The following GSE1 variants were observed in gnomAD, a reference collection of about 807,000 sequenced individuals.
GSE1 encodes the protein Gse1 coiled-coil protein.
Under a neutral mutation model 112.6 loss-of-function variants are expected in GSE1, and 32 were observed. The ratio of observed to expected loss-of-function variants is 0.28; its 90% CI spans 0.21 to 0.38. The LOEUF is 0.38. Among genes scored for constraint, GSE1 ranks in the 10% least tolerant of loss-of-function variants. The pLI is 1.00. For missense variants in GSE1, 2,348 were observed against 1,699.2 expected, an observed-to-expected ratio of 1.38 and a Z score of -6.71; for synonymous variants, 1,115 against 735.6, an observed-to-expected ratio of 1.52 and a Z score of -8.35.
chr16:85,654,978 C>G lies in GSE1; in HGVS notation c.784C>G (p.His262Asp), dbSNP rs372427431. ...PSYLAPHPFP[H>D]PAFRMDDSYC... Reference sequence around the variant, plus strand: ...CTACCTGGCCCCACACCCCTTCCCCCACCCGGCCTTCAGGTGAGGCATCCC... The same window carrying G: ...CTACCTGGCCCCACACCCCTTCCCCGACCCGGCCTTCAGGTGAGGCATCCC... Residue 262 changes from histidine (H) to aspartate (D), a missense_variant, in exon 5 of 16, where the codon CAC (histidine) becomes GAC (aspartate). Coordinates refer to ENST00000253458, the MANE Select transcript of GSE1 (RefSeq NM_014615.5). The G allele has an allele frequency of 1.3e-6, 2 of 1,593,622 alleles. No homozygotes were observed. The highest frequency in any genetic ancestry group is 2.2e-5 in the East Asian group (1 of 44,594).
At chr16:85,294,135 C>G (rs561522097) in intron 1 of GSE1, among the ~76,000 whole-genome samples, 1 of 152,280 alleles carries the variant, frequency 6.6e-6, no homozygotes, top group Non-Finnish European at 1.5e-5. Flanking sequence ...GTGGCCTGTT[C>G]CAGCTGGCAT....
chr16:85,527,642 G>A (rs570320927), intron 2 of GSE1, among the ~76,000 whole-genome samples: 7 of 152,400 alleles, frequency 4.6e-5, no homozygotes, highest in South Asian at 2.1e-4. Flanking sequence ...AGCCTACCCC[G>A]GTGGGAAGCG....
chr16:85,464,348 G>C (rs539482421), intron 2 of GSE1, among the ~76,000 whole-genome samples: 2 of 152,160 alleles, frequency 1.3e-5, no homozygotes, highest in African/African-American at 2.4e-5. Context: ...GCCGGGGTGG[G>C]GGGCAGCCGC....
chr16:85,670,499 A>C (rs2053242611), intron 14 of GSE1: 1 of 152,174 alleles, frequency 6.6e-6, no homozygotes, highest in Non-Finnish European at 1.5e-5. Context: ...CCAGATTGTG[A>C]GCACTTTCCC....
chr16:85,612,547 C>T (rs777447925), upstream of GSE1, among the ~76,000 whole-genome samples: 1 of 152,068 alleles, frequency 6.6e-6, no homozygotes, highest in Non-Finnish European at 1.5e-5. Flanking sequence ...AGCCCCTGGG[C>T]CGCGGGTTCT....
chr16:85,644,912 A>G (rs1373958811), intron 2 of GSE1, among the ~76,000 whole-genome samples: 2 of 151,866 alleles, frequency 1.3e-5, no homozygotes, highest in Non-Finnish European at 2.9e-5. Context: ...TTCCCCAAAA[A>G]CTTAAAGTGA....
chr16:85,199,681 C>G (rs930569050), intron 1 of GSE1, among the ~76,000 whole-genome samples: 2 of 151,758 alleles, frequency 1.3e-5, no homozygotes, highest in East Asian at 1.9e-4. Flanking sequence ...TTTTTTCTCT[C>G]TGAAGTCTAA....
intron 2 of GSE1, among the ~76,000 whole-genome samples, chr16:85,521,311 C>A (rs972911528): frequency 2.6e-5 from 4 of 152,192 alleles, no homozygotes; most frequent in African/African-American, 9.7e-5. Flanking sequence ...CCTCACCTCG[C>A]GCTCACCTTT....
chr16:85,514,269 C>T (rs2051844175), intron 2 of GSE1, among the ~76,000 whole-genome samples: 1 of 149,616 alleles, frequency 6.7e-6, no homozygotes, highest in African/African-American at 2.6e-5. Flanking sequence ...CTTCCTCTCC[C>T]TCCAGTTGAG....
intron 2 of GSE1, among the ~76,000 whole-genome samples, chr16:85,418,180 C>T (rs539274104): frequency 6.6e-6 from 1 of 152,378 alleles, no homozygotes; most frequent in South Asian, 2.1e-4. Flanking sequence ...CCAAGGGCCA[C>T]ATTGCGAGTC....
chr16:85,529,640 C>T (rs1337263184), intron 2 of GSE1, among the ~76,000 whole-genome samples: 2 of 152,164 alleles, frequency 1.3e-5, no homozygotes, highest in African/African-American at 4.8e-5. Flanking sequence ...AACTGGCCCT[C>T]CCAGCACGTG....
At chr16:85,449,268 G>C (rs2049601744) in intron 2 of GSE1, among the ~76,000 whole-genome samples, 1 of 152,274 alleles carries the variant, frequency 6.6e-6, no homozygotes, top group Admixed American at 6.5e-5. Context: ...AGCCATTCAA[G>C]AGGCGCCAGG....
intron 2 of GSE1, among the ~76,000 whole-genome samples, chr16:85,448,458 G>A (rs879592129): frequency 6.6e-6 from 1 of 152,218 alleles, no homozygotes; most frequent in Admixed American, 6.5e-5. Context: ...AGTGCCTACT[G>A]TGTACCTGGA....
chr16:85,443,294 C>G (rs1364499348), intron 2 of GSE1, among the ~76,000 whole-genome samples: 1 of 152,224 alleles, frequency 6.6e-6, no homozygotes, highest in Non-Finnish European at 1.5e-5. Context: ...CCATCTCGCC[C>G]GTTTCTCCCT....
At chr16:85,535,092 G>A (rs2043986977) in intron 2 of GSE1, among the ~76,000 whole-genome samples, 2 of 152,180 alleles carry the variant, frequency 1.3e-5, no homozygotes, top group African/African-American at 4.8e-5. Context: ...TCAGGGCCAG[G>A]ATACAGACAG....
At chr16:85,572,116 A>AC (rs2046011257) in intron 1 of GSE1, among the ~76,000 whole-genome samples, 1 of 144,892 alleles carries the variant, frequency 6.9e-6, no homozygotes, top group African/African-American at 2.6e-5. Flanking sequence ...ACCACACACA[A>AC]CGCACACACA....
intron 1 of GSE1, among the ~76,000 whole-genome samples, chr16:85,181,242 C>A (rs2074577224): frequency 6.6e-6 from 1 of 152,214 alleles, no homozygotes; most frequent in Non-Finnish European, 1.5e-5. Context: ...CTTCCCATTT[C>A]TCCTTGGACC....
chr16:85,210,092 C>G (rs1286382997), intron 1 of GSE1, among the ~76,000 whole-genome samples: 1 of 152,194 alleles, frequency 6.6e-6, no homozygotes, highest in Non-Finnish European at 1.5e-5. Context: ...AAAAATATGG[C>G]TCATTCATAT....
intron 2 of GSE1, among the ~76,000 whole-genome samples, chr16:85,436,830 G>A (rs1275140248): frequency 3.9e-5 from 6 of 152,210 alleles, no homozygotes; most frequent in Non-Finnish European, 8.8e-5. Context: ...GTGGGAGCCC[G>A]CAGGCCAGAG....
Sources: gnomAD v4.1 joint callset for allele counts (sites outside exome capture counted in the v4.1 genomes callset) on GRCh38, gnomAD v4.1.1 for gene constraint, MANE v1.5 for transcripts, NCBI Gene and HGNC (gene_info 2026-07-23, HGNC 2026-07-21) for gene names.